Variants in HMGCLL1 observed in about 807,000 individuals in gnomAD.
HMGCLL1 encodes 3-hydroxy-3-methylglutaryl-CoA lyase like 1.
A neutral mutation model predicts 39.1 loss-of-function variants in HMGCLL1; 36 were observed. The ratio of observed to expected loss-of-function variants is 0.92; its 90% CI spans 0.71 to 1.22. HMGCLL1 has a LOEUF of 1.22. Among genes scored for constraint, HMGCLL1 ranks in the 50% most tolerant of loss-of-function variants. The pLI is 0.00. For missense variants in HMGCLL1, 451 were observed against 416.5 expected (o/e 1.08, Z -0.72); for synonymous variants, 149 against 144.0 (o/e 1.03, Z -0.25).
At chr6:55,574,424 T>C (rs1771664867) in intron 1 of HMGCLL1, among the ~76,000 whole-genome samples, 1 of 151,878 alleles carries the variant, frequency 6.6e-6, no homozygotes, top group South Asian at 2.1e-4. Context: ...AGAGTCATAT[T>C]TGCATTTTTA....
chr6:55,580,406 CTTTTTTTTTTTTTTT>C (rs145371462), upstream of HMGCLL1, among the ~76,000 whole-genome samples: 12 of 73,270 alleles, frequency 1.6e-4, no homozygotes, highest in African/African-American at 5.8e-4. Context: ...TTTTTTCTTT[CTTTTTTTTTTTTTTT>C]TTTTTTTTTT....
chr6:55,549,373 AGT>A (rs70986732), intron 1 of HMGCLL1, among the ~76,000 whole-genome samples: 18,333 of 145,428 alleles, frequency 0.13, 1,349 homozygotes, highest in East Asian at 0.22. Context: ...CAAATACAGA[AGT>A]GTGTGTGTGT....
intron 7 of HMGCLL1, among the ~76,000 whole-genome samples, chr6:55,491,415 T>C (rs1245019926): frequency 1.3e-5 from 2 of 152,118 alleles, no homozygotes; most frequent in Non-Finnish European, 2.9e-5. Context: ...ATTTGGTCTT[T>C]CTAAAAGAGA....
intron 7 of HMGCLL1, among the ~76,000 whole-genome samples, chr6:55,471,571 C>G (rs1012343963): frequency 6.6e-6 from 1 of 151,644 alleles, no homozygotes; most frequent in South Asian, 2.1e-4. Context: ...AACATGAAAT[C>G]ACATTTAAAT....
At chr6:55,512,990 T>G (rs1388371468) in intron 5 of HMGCLL1, 2 of 152,116 alleles carry the variant, frequency 1.3e-5, no homozygotes, top group East Asian at 3.9e-4. Context: ...TCACAACCCA[T>G]AGGCCTGGTT....
chr6:55,637,768 G>T, the HMGCLL1 span, among the ~76,000 whole-genome samples: 2 of 151,492 alleles, frequency 1.3e-5, no homozygotes, highest in Admixed American at 6.6e-5. Flanking sequence ...GTGTGTGTGT[G>T]TTTCCCATCA....
chr6:55,515,462 G>A (rs1767688664), intron 4 of HMGCLL1, among the ~76,000 whole-genome samples: 1 of 152,044 alleles, frequency 6.6e-6, no homozygotes, highest in South Asian at 2.1e-4. Flanking sequence ...AAACAACTGT[G>A]TAAACTAAGT....
At chr6:55,655,536 G>GTAGATAGATAGATGATAGATAGA in the HMGCLL1 span, among the ~76,000 whole-genome samples, 3 of 147,620 alleles carry the variant, frequency 2.0e-5, no homozygotes, top group Non-Finnish European at 3.0e-5. Context: ...AGTTATATTG[G>GTAGATAGATAGATGATAGATAGA]TAGATAGATA....
chr6:55,469,462 T>G (rs1220441071), intron 7 of HMGCLL1, among the ~76,000 whole-genome samples: 3 of 135,688 alleles, frequency 2.2e-5, no homozygotes, highest in African/African-American at 9.4e-5. Flanking sequence ...TATATATGTG[T>G]ATATATGTGT....
intron 7 of HMGCLL1, among the ~76,000 whole-genome samples, chr6:55,453,517 T>C (rs1482429363): frequency 3.3e-5 from 5 of 152,164 alleles, no homozygotes; most frequent in Non-Finnish European, 5.9e-5. Flanking sequence ...GGATGGAGCA[T>C]AGCTCCTGAT....
intron 1 of HMGCLL1, among the ~76,000 whole-genome samples, chr6:55,576,924 AGCT>A (rs1245325974): frequency 6.6e-6 from 1 of 152,202 alleles, no homozygotes; most frequent in Non-Finnish European, 1.5e-5. Context: ...TCAAATGAGC[AGCT>A]GAACATCTGG....
intron 7 of HMGCLL1, among the ~76,000 whole-genome samples, chr6:55,493,674 C>T (rs12527710): frequency 0.28 from 42,439 of 151,930 alleles, 7,361 homozygotes; most frequent in Non-Finnish European, 0.37. Flanking sequence ...ACACACACAC[C>T]ACAACACATA....
intron 7 of HMGCLL1, among the ~76,000 whole-genome samples, chr6:55,466,192 T>A (rs1764792443): frequency 6.6e-6 from 1 of 152,074 alleles, no homozygotes; most frequent in Non-Finnish European, 1.5e-5. Flanking sequence ...ATGGACTTAA[T>A]TATTTTGACT....
At chr6:55,557,258 C>A (rs758476033) in intron 1 of HMGCLL1, among the ~76,000 whole-genome samples, 4 of 152,186 alleles carry the variant, frequency 2.6e-5, no homozygotes, top group Non-Finnish European at 4.4e-5. Context: ...TTAATCTGAT[C>A]CTGCTTAAGG....
intron 1 of HMGCLL1, among the ~76,000 whole-genome samples, chr6:55,556,525 A>C (rs929819223): frequency 6.6e-6 from 1 of 152,180 alleles, no homozygotes; most frequent in African/African-American, 2.4e-5. Context: ...GTAAGGAAAT[A>C]GCAAATTGGT....
At chr6:55,660,895 C>T in the HMGCLL1 span, among the ~76,000 whole-genome samples, 1 of 151,778 alleles carries the variant, frequency 6.6e-6, no homozygotes, top group South Asian at 2.1e-4. Context: ...TATTTTTTGA[C>T]TCTTAATAAT....
intron 1 of HMGCLL1, among the ~76,000 whole-genome samples, chr6:55,571,630 C>G (rs896829435): frequency 6.6e-6 from 1 of 151,536 alleles, no homozygotes. Flanking sequence ...GCGGTGAAAC[C>G]CCATCTCTAC....
chr6:55,444,998 T>C (rs1763753263), intron 7 of HMGCLL1, among the ~76,000 whole-genome samples: 1 of 152,036 alleles, frequency 6.6e-6, no homozygotes, highest in Non-Finnish European at 1.5e-5. Flanking sequence ...CAGTAAGCTC[T>C]ATTCACAAAT....
At chr6:55,664,782 C>T in the HMGCLL1 span, among the ~76,000 whole-genome samples, 173 of 151,798 alleles carry the variant, frequency 1.1e-3, 2 homozygotes, top group Admixed American at 2.2e-3. Flanking sequence ...CTAAAGGATA[C>T]ACTTCCAATC....
Sources: allele counts gnomAD v4.1 joint callset (sites outside exome capture counted in the v4.1 genomes callset), GRCh38; gene constraint gnomAD v4.1.1; transcripts MANE v1.5; gene names NCBI Gene and HGNC (gene_info 2026-07-23, HGNC 2026-07-21).